Variants in WWOX observed in about 807,000 individuals in gnomAD.
WWOX encodes the protein WW domain containing oxidoreductase.
A neutral mutation model predicts 46.2 loss-of-function variants in WWOX; 69 were observed. The ratio of observed to expected loss-of-function variants is 1.49; its 90% confidence interval spans 1.23 to 1.82. The LOEUF (loss-of-function observed/expected upper bound fraction) is 1.82, where lower values mean the gene tolerates loss of function less well. Ranked by LOEUF, WWOX falls within the 40% of genes most tolerant of loss-of-function variation. The probability of loss-of-function intolerance (pLI) is 0.00; values close to 1 mark genes in which losing one functional copy is unlikely to be tolerated. For missense variants in WWOX, 919 were observed against 542.6 expected (o/e 1.69, Z -6.89); for synonymous variants, 359 against 202.6 (o/e 1.77, Z -6.56).
In WWOX at chr16:78,323,776, A is replaced by G. The variant is rs376369774; in HGVS notation, c.517-63084A>G. 5.3e-5 allele frequency among the ~76,000 whole-genome samples: 8 copies of G among 152,270 alleles called. No homozygotes were observed. The South Asian group carries it at 1.7e-3, about 32-fold the overall frequency. ...TGCATGTTCCTGGCTCCTGTAACATATATTTTCTTTTTCCTTTGTCCGGCA... is the reference window on the plus strand; with the variant it reads ...TGCATGTTCCTGGCTCCTGTAACATGTATTTTCTTTTTCCTTTGTCCGGCA... On this transcript the variant is annotated intron_variant, in intron 5 of 8. Coordinates refer to ENST00000566780, the MANE Select transcript of WWOX (RefSeq NM_016373.4).
chr16:78,923,035 G>A (rs1383596364), intron 8 of WWOX, among the ~76,000 whole-genome samples: 1 of 148,378 alleles, frequency 6.7e-6, no homozygotes, highest in Non-Finnish European at 1.5e-5. Flanking sequence ...AGGCTGGAGT[G>A]CAATGGCGCA....
At chr16:78,718,878 G>T (rs13336413) in intron 8 of WWOX, among the ~76,000 whole-genome samples, 1 of 152,140 alleles carries the variant, frequency 6.6e-6, no homozygotes, top group East Asian at 1.9e-4. Context: ...TAAAGGTGAA[G>T]AATTGGGGAG....
chr16:78,676,921 G>C (rs141982052), intron 8 of WWOX, among the ~76,000 whole-genome samples: 2 of 152,280 alleles, frequency 1.3e-5, no homozygotes, highest in Admixed American at 6.5e-5. Context: ...GAAGTATCAA[G>C]TGAAAGGGGA....
At chr16:78,720,484 T>A (rs1399262194) in intron 8 of WWOX, among the ~76,000 whole-genome samples, 2 of 151,746 alleles carry the variant, frequency 1.3e-5, no homozygotes, top group Non-Finnish European at 2.9e-5. Flanking sequence ...CTTTTTTTTT[T>A]ATGACACTTT....
At chr16:79,130,390 T>C (rs953934084) in intron 8 of WWOX, among the ~76,000 whole-genome samples, 5 of 152,160 alleles carry the variant, frequency 3.3e-5, no homozygotes, top group South Asian at 2.1e-4. Context: ...ATTAGTATTA[T>C]AGGCACAAAA....
chr16:78,558,610 A>T (rs2044361028), intron 8 of WWOX, among the ~76,000 whole-genome samples: 1 of 152,176 alleles, frequency 6.6e-6, no homozygotes, highest in South Asian at 2.1e-4. Context: ...GATTTCTGTT[A>T]TGCTCATTCA....
intron 5 of WWOX, among the ~76,000 whole-genome samples, chr16:78,318,561 G>C (rs1320787886): frequency 6.6e-6 from 1 of 152,076 alleles, no homozygotes; most frequent in East Asian, 1.9e-4. Context: ...ACAGTACTTG[G>C]ATTCCAGTAG....
intron 8 of WWOX, among the ~76,000 whole-genome samples, chr16:79,064,365 A>G (rs1172897115): frequency 6.6e-6 from 1 of 152,230 alleles, no homozygotes; most frequent in East Asian, 1.9e-4. Context: ...CAGTTTCCTT[A>G]TCTGTAAAAG....
chr16:79,199,697 G>A (rs561670146), intron 8 of WWOX, among the ~76,000 whole-genome samples: 22 of 152,250 alleles, frequency 1.4e-4, no homozygotes, highest in African/African-American at 5.1e-4. Context: ...GGACTGCCTT[G>A]TAAAGTCATT....
chr16:79,008,403 A>G (rs1015890882), intron 8 of WWOX, among the ~76,000 whole-genome samples: 3 of 152,174 alleles, frequency 2.0e-5, no homozygotes, highest in Non-Finnish European at 2.9e-5. Context: ...GGCCTCCATG[A>G]CATCTGCGAA....
intron 8 of WWOX, among the ~76,000 whole-genome samples, chr16:78,773,537 C>T (rs143649232): frequency 3.2e-3 from 489 of 152,258 alleles, no homozygotes; most frequent in Non-Finnish European, 5.5e-3. Context: ...GATGGGAAAA[C>T]GCTGTTACTA....
At chr16:78,823,043 A>G (rs1386161310) in intron 8 of WWOX, among the ~76,000 whole-genome samples, 1 of 152,230 alleles carries the variant, frequency 6.6e-6, no homozygotes, top group Non-Finnish European at 1.5e-5. Flanking sequence ...AAAACAGGGA[A>G]AGGCCTTTTA....
chr16:78,349,922 G>T (rs895910142), intron 5 of WWOX, among the ~76,000 whole-genome samples: 1 of 121,012 alleles, frequency 8.3e-6, no homozygotes, highest in Non-Finnish European at 2.0e-5. Flanking sequence ...TTCGGTTTGT[G>T]TTATGGAAGT....
At chr16:78,906,263 G>A (rs563008667) in intron 8 of WWOX, among the ~76,000 whole-genome samples, 32 of 152,226 alleles carry the variant, frequency 2.1e-4, no homozygotes, top group Non-Finnish European at 4.0e-4. Flanking sequence ...CAAGGAAGAA[G>A]TAGGAGGCAT....
intron 8 of WWOX, among the ~76,000 whole-genome samples, chr16:79,080,748 C>G (rs2048745749): frequency 6.6e-6 from 1 of 152,104 alleles, no homozygotes; most frequent in Non-Finnish European, 1.5e-5. Flanking sequence ...GGGAGGATCG[C>G]TTGAAGCCAG....
intron 8 of WWOX, among the ~76,000 whole-genome samples, chr16:78,448,683 TTTG>T (rs1028070222): frequency 8.5e-5 from 13 of 152,244 alleles, no homozygotes; most frequent in African/African-American, 3.1e-4. Flanking sequence ...AAATATAGAC[TTTG>T]TTGTTGTTGC....
intron 5 of WWOX, among the ~76,000 whole-genome samples, chr16:78,207,784 C>G (rs1053467666): frequency 1.4e-5 from 2 of 146,414 alleles, no homozygotes; most frequent in Non-Finnish European, 3.0e-5. Flanking sequence ...AAAAAAGGGT[C>G]TGTTATCAAC....
intron 8 of WWOX, among the ~76,000 whole-genome samples, chr16:78,644,407 A>T (rs1204854770): frequency 6.6e-6 from 1 of 152,150 alleles, no homozygotes; most frequent in Non-Finnish European, 1.5e-5. Flanking sequence ...AGAGCAAGTC[A>T]TGTGGGATAT....
chr16:78,953,543 C>T (rs140450936), intron 8 of WWOX, among the ~76,000 whole-genome samples: 1 of 152,300 alleles, frequency 6.6e-6, no homozygotes, highest in East Asian at 1.9e-4. Context: ...TGGCTTCCTT[C>T]AGAGTCATTG....
Sources: allele counts gnomAD v4.1 joint callset (sites outside exome capture counted in the v4.1 genomes callset), GRCh38; gene constraint gnomAD v4.1.1; transcripts MANE v1.5; gene names NCBI Gene and HGNC (gene_info 2026-07-23, HGNC 2026-07-21).